Variants in LILRB1 observed in about 807,000 individuals in gnomAD.
The protein encoded by LILRB1 is leukocyte immunoglobulin like receptor B1.
LILRB1 carries 59 observed loss-of-function variants against 74.6 expected under a neutral mutation model. The ratio of observed to expected loss-of-function variants is 0.79; its 90% CI spans 0.64 to 0.98. The LOEUF (loss-of-function observed/expected upper bound fraction) is 0.98, where lower values mean the gene tolerates loss of function less well. Ranked by LOEUF, LILRB1 falls within the 50% of genes least tolerant of loss-of-function variation. The pLI is 0.00. For missense variants in LILRB1, 804 were observed against 822.6 expected (o/e 0.98, Z 0.28); for synonymous variants, 328 against 333.9 (o/e 0.98, Z 0.19).
chr19:54,634,892 G>A (rs1424296896), intron 10 of LILRB1, 129 bp downstream of exon 10: 23 of 1,514,752 alleles, frequency 1.5e-5, no homozygotes, highest in Middle Eastern at 1.8e-4. Context: ...CAGGCCAATC[G>A]ACAGTCAGTC....
At position 54,637,494 on chromosome 19, in the gene LILRB1, C is replaced by T. The variant is rs272424; in HGVS notation, c.*616C>T. 6,967 of 146,378 alleles carry T rather than the reference C, an allele frequency of 0.048. 211 individuals are homozygous for T. The highest frequency in any genetic ancestry group is 0.11 in the East Asian group (552 of 5,058). The allele number at this position is 146,378 out of a possible 1,614,324, so 9.1% of individuals were successfully genotyped here. On this transcript the variant is annotated 3_prime_UTR_variant, in exon 15 of 15. Transcript: ENST00000324602. ...GAGCCAAGATCGCACCACTGCTCTCCAGCCTGGCGACAGAGGGAGACTCCA... is the reference window on the plus strand; with the variant it reads ...GAGCCAAGATCGCACCACTGCTCTCTAGCCTGGCGACAGAGGGAGACTCCA...
chr19:54,631,805 G>T lies in LILRB1; in HGVS notation c.358+18G>T. On this transcript the variant is annotated intron_variant, in intron 4 of 14. Coordinates refer to ENST00000324602, the MANE Select transcript of LILRB1 (RefSeq NM_001081637.3). The stretch of plus-strand genomic sequence containing the variant: ...GGTGACAGGTGAGCTGACACTCAGG[G>T]GTCCCAGCCCCAGACTCTGCCCTCA... 1 of 1,613,210 alleles carries T rather than the reference G, an allele frequency of 6.2e-7. No individual in the cohort carries two copies. Among genetic ancestry groups the T allele is most frequent in the Non-Finnish European group, 8.5e-7 (1 of 1,179,346 alleles).
At chr19:54,620,461 C>A (rs1457112077) in intron 1 of LILRB1, among the ~76,000 whole-genome samples, 1 of 151,996 alleles carries the variant, frequency 6.6e-6, no homozygotes, top group Admixed American at 6.6e-5. Context: ...CAGGTTCACG[C>A]CCACATTCTT....
At position 54,636,967 on chromosome 19, in the gene LILRB1, C is replaced by G. The variant is rs1266858520; in HGVS notation, c.*89C>G. 1.9e-6 allele frequency: 3 copies of G among 1,541,006 alleles called. No individual in the cohort carries two copies. The highest frequency in any genetic ancestry group is 2.7e-5 in the African/African-American group (2 of 73,324). On this transcript the variant is annotated 3_prime_UTR_variant, in exon 15 of 15. Coordinates refer to ENST00000324602, the MANE Select transcript of LILRB1 (RefSeq NM_001081637.3). ...GTGGACACCATTGGACCCCACCCAG[C>G]CTGGATCTACCCCAGGAGACTCTGG...
upstream of LILRB1, among the ~76,000 whole-genome samples, chr19:54,627,615 CA>C (rs1421349780): frequency 2.2e-4 from 33 of 152,358 alleles, no homozygotes; most frequent in African/African-American, 7.9e-4. Context: ...CCAGCAACGG[CA>C]TCTCCTCCAA....
rs1194434758 is a variant in LILRB1 at position 54,633,341 on chromosome 19, C to A, written c.1261+23C>A. Reference sequence around the variant, plus strand: ...CAGGTGGGGGCCTTGACCCTGTCCTCTCTGAGCTCAAAGTCTCAGCTCAGA... The same window carrying A: ...CAGGTGGGGGCCTTGACCCTGTCCTATCTGAGCTCAAAGTCTCAGCTCAGA... On this transcript the variant is annotated intron_variant, in intron 7 of 14. Transcript: ENST00000324602. 15 of 1,605,240 alleles carry A rather than the reference C, an allele frequency of 9.3e-6. No homozygotes were observed. In the East Asian group the frequency reaches 3.1e-4, roughly 33 times the overall value.
At chr19:54,629,483 C>A (rs2363868), upstream of LILRB1, among the ~76,000 whole-genome samples, 7,771 of 152,264 alleles carry the variant, frequency 0.051, 216 homozygotes, top group African/African-American at 0.07. Flanking sequence ...GACGAGGGTG[C>A]CCCACTGTGC....
In LILRB1 at chr19:54,631,995, A is replaced by G. The variant is rs1205770341; in HGVS notation, c.419A>G (p.Asn140Ser). The G allele has an allele frequency of 1.2e-5, 19 of 1,614,160 alleles. No individual in the cohort carries two copies. Among genetic ancestry groups the G allele is most frequent in the Non-Finnish European group, 1.5e-5 (18 of 1,179,940 alleles). The change falls in exon 5 of 15, where the codon AAT (asparagine) becomes AGT (serine). Residue 140 changes from asparagine to serine, a missense_variant. Physicochemically the swap from Asn to Ser is conservative, Grantham distance 46 (BLOSUM62 1). Transcript: ENST00000324602. The stretch of plus-strand genomic sequence containing the variant: ...AGCCCCGTGGTGAACTCAGGAGGGA[A>G]TGTAACCCTCCAGTGTGACTCACAG... ...QPSPVVNSGG[N>S]VTLQCDSQVA... is the part of the protein sequence containing the mutation.
In LILRB1 at chr19:54,633,650, G is replaced by A. The variant is rs745419867; in HGVS notation, c.1274G>A (p.Gly425Asp). The change falls in exon 8 of 15, where the codon GGC becomes GAC. Residue 425 changes from glycine (G) to aspartate (D), a missense_variant. Coordinates refer to ENST00000324602, the MANE Select transcript of LILRB1 (RefSeq NM_001081637.3). ...LELVVSGPSG[G>D]PSSPTTGPTS... ...TTCTTTTACCCAGGACCGTCTGGGG[G>A]CCCCAGCTCCCCGACAACAGGCCCC... 2.5e-6 allele frequency: 4 copies of A among 1,613,518 alleles called. No individual in the cohort carries two copies. The highest frequency in any genetic ancestry group is 2.2e-5 in the South Asian group (2 of 91,024).
At position 54,631,584 on chromosome 19, in the gene LILRB1, G is replaced by A. The variant is rs574518086; in HGVS notation, c.155G>A (p.Gly52Asp). ...CCTGTGACCCTCAGGTGTCAGGGGG[G>A]CCAGGAGACCCAGGAGTACCGTCTA... ...GSPVTLRCQG[G>D]QETQEYRLYR... Residue 52 changes from glycine (G) to aspartate (D), a missense_variant, in exon 4 of 15, where the codon GGC becomes GAC. Physicochemically the swap from Gly to Asp is moderately conservative, Grantham distance 94 (BLOSUM62 -1). Transcript: ENST00000324602. The A allele has an allele frequency of 1.7e-5, 28 of 1,614,136 alleles. No homozygotes were observed. The highest frequency in any genetic ancestry group is 3.3e-4 in the Middle Eastern group (2 of 6,084).
At chr19:54,635,817 C>T (rs200788765) in intron 13 of LILRB1, 11 of 719,402 alleles carry the variant, frequency 1.5e-5, no homozygotes, top group Non-Finnish European at 2.3e-5. Flanking sequence ...CCTTCCTGCT[C>T]CTCATCCTCT....
At chr19:54,628,681 C>T (rs2063664465), upstream of LILRB1, among the ~76,000 whole-genome samples, 1 of 152,128 alleles carries the variant, frequency 6.6e-6, no homozygotes, top group Non-Finnish European at 1.5e-5. Flanking sequence ...GGAGTCTCCA[C>T]ATGCTCAACC....
intron 13 of LILRB1, 84 bp from the exon 14 acceptor site, chr19:54,636,410 G>T: frequency 6.4e-7 from 1 of 1,573,054 alleles, no homozygotes; most frequent in Non-Finnish European, 8.6e-7. Context: ...GGATGTAATC[G>T]GATCACCCGG....
At chr19:54,621,127 G>T (rs2146162234) in intron 1 of LILRB1, among the ~76,000 whole-genome samples, 1 of 152,266 alleles carries the variant, frequency 6.6e-6, no homozygotes, top group Middle Eastern at 3.4e-3. Context: ...GCCTGTCTTG[G>T]CCTCCCAAAG....
intron 1 of LILRB1, among the ~76,000 whole-genome samples, chr19:54,621,602 G>A (rs547797957): frequency 9.2e-5 from 14 of 151,566 alleles, no homozygotes; most frequent in African/African-American, 2.9e-4. Flanking sequence ...TTTTGTTGGA[G>A]GCATAATTTG....
At chr19:54,619,358 T>C (rs1430971696) in intron 1 of LILRB1, among the ~76,000 whole-genome samples, 2 of 152,106 alleles carry the variant, frequency 1.3e-5, no homozygotes, top group African/African-American at 2.4e-5. Flanking sequence ...GGTAGTGTAA[T>C]GTAGTTGGTT....
chr19:54,632,961 G>A (rs1489794353), intron 6 of LILRB1, 55 bp from the exon 7 acceptor site: 1 of 1,580,930 alleles, frequency 6.3e-7, no homozygotes, highest in East Asian at 2.2e-5. Flanking sequence ...GACCTGGGGA[G>A]GTGTCAGCTC....
At chr19:54,631,454 G>C (rs1479933052) in intron 3 of LILRB1, 46 bp from the exon 4 acceptor site, 4 of 1,598,472 alleles carry the variant, frequency 2.5e-6, no homozygotes, top group Admixed American at 1.7e-5. Context: ...AATCTGCTGG[G>C]TTGGGTGGGA....
rs2064116747 is a variant in LILRB1 at position 54,633,634 on chromosome 19, C to T, written c.1262-4C>T. On this transcript the variant is annotated splice_polypyrimidine_tract_variant and splice_region_variant and intron_variant, in intron 7 of 14. Transcript: ENST00000324602. ...CCTCAGCCTCCTCTCATTCTTTTAC[C>T]CAGGACCGTCTGGGGGCCCCAGCTC... 1 of 1,613,020 alleles carries T rather than the reference C, an allele frequency of 6.2e-7. No individual in the cohort carries two copies. The highest frequency in any genetic ancestry group is 1.3e-5 in the African/African-American group (1 of 74,796).
Sources: gnomAD v4.1 joint callset for allele counts (sites outside exome capture counted in the v4.1 genomes callset) on GRCh38, gnomAD v4.1.1 for gene constraint, MANE v1.5 for transcripts, NCBI Gene and HGNC (gene_info 2026-07-23, HGNC 2026-07-21) for gene names.